The following NSMAF variants were observed in gnomAD, a reference collection of about 807,000 sequenced individuals.
The protein encoded by NSMAF is protein FAN.
NSMAF carries 90 observed loss-of-function variants against 134.9 expected under a neutral mutation model. The ratio of observed to expected loss-of-function variants is 0.67; its 90% CI spans 0.56 to 0.79. NSMAF has a LOEUF of 0.79. Ranked by LOEUF, NSMAF falls within the 30% of genes least tolerant of loss-of-function variation. The pLI, the probability that NSMAF is intolerant of heterozygous loss-of-function variation, is 0.00. For synonymous variants in NSMAF, 358 were observed against 389.6 expected, an observed-to-expected ratio of 0.92 and a Z score of 0.96; for missense variants, 1,010 against 1,119.0, an observed-to-expected ratio of 0.90 and a Z score of 1.39.
rs371238831 is a variant in NSMAF at position 58,609,741 on chromosome 8, T to C, written c.558-8A>G. 46 of 1,613,508 alleles carry C rather than the reference T, an allele frequency of 2.9e-5. No individual in the cohort carries two copies. Among genetic ancestry groups the C allele is most frequent in the African/African-American group, 4.0e-5 (3 of 74,900 alleles). ...TCAGAAATGTTTTGGAACCTGAAAA[T>C]AGGTTTTTCAGCAAAAGTAAGAAAA... On this transcript the variant is annotated splice_region_variant and splice_polypyrimidine_tract_variant and intron_variant, in intron 9 of 30. Transcript: ENST00000038176.
At chr8:58,611,071 C>T (rs759536483) in intron 9 of NSMAF, among the ~76,000 whole-genome samples, 5 of 152,138 alleles carry the variant, frequency 3.3e-5, no homozygotes, top group African/African-American at 4.8e-5. Context: ...GGTCTCAACA[C>T]TTCCTTTTTA....
In NSMAF at chr8:58,583,749, T is replaced by G. The variant is rs1274862699; in HGVS notation, c.*357A>C. Reference sequence around the variant, plus strand: ...AAGTAGCAGAGAATACTGCACATTTTCTTGGAAAATTTCTTAATTGTTCAG... The same window carrying G: ...AAGTAGCAGAGAATACTGCACATTTGCTTGGAAAATTTCTTAATTGTTCAG... On this transcript the variant is annotated 3_prime_UTR_variant, in exon 31 of 31. Transcript: ENST00000038176. 3.8e-6 allele frequency: 1 copy of G among 263,158 alleles called. No homozygotes were observed. The highest frequency in any genetic ancestry group is 7.3e-6 in the Non-Finnish European group (1 of 136,300). The allele number at this position is 263,158 out of a possible 1,614,324, so 16.3% of individuals were successfully genotyped here.
chr8:58,590,191 T>C, intron 24 of NSMAF, 117 bp from the exon 25 acceptor site: 1 of 830,272 alleles, frequency 1.2e-6, no homozygotes, highest in Admixed American at 2.4e-5. Context: ...TATGTGGCTC[T>C]CCTCCTATTT....
At chr8:58,639,488 C>T (rs1042702121) in intron 2 of NSMAF, among the ~76,000 whole-genome samples, 1 of 152,096 alleles carries the variant, frequency 6.6e-6, no homozygotes, top group African/African-American at 2.4e-5. Context: ...AAAGAGAACC[C>T]TTATATACTG....
chr8:58,604,276 T>C (rs1806351313), intron 12 of NSMAF, among the ~76,000 whole-genome samples: 1 of 152,154 alleles, frequency 6.6e-6, no homozygotes, highest in Non-Finnish European at 1.5e-5. Context: ...ATAAACTCAG[T>C]GAGAACTGAC....
intron 1 of NSMAF, among the ~76,000 whole-genome samples, chr8:58,644,144 G>A (rs896231056): frequency 6.6e-6 from 1 of 152,202 alleles, no homozygotes; most frequent in African/African-American, 2.4e-5. Flanking sequence ...CTTGAGATGG[G>A]CCTTAAGTTC....
intron 2 of NSMAF, among the ~76,000 whole-genome samples, chr8:58,636,758 T>C (rs1279055589): frequency 6.6e-6 from 1 of 152,196 alleles, no homozygotes; most frequent in African/African-American, 2.4e-5. Flanking sequence ...AGCTCAGATA[T>C]GGCCCAAGGG....
chr8:58,609,171 C>T (rs2129142326), intron 10 of NSMAF, among the ~76,000 whole-genome samples: 1 of 152,322 alleles, frequency 6.6e-6, no homozygotes, highest in South Asian at 2.1e-4. Flanking sequence ...TTCAGATCTA[C>T]TGAGGTTGTT....
rs1046366242 is a variant in NSMAF, at chr8:58,651,527, T to C, written c.59+8046A>G. Among the ~76,000 whole-genome samples the C allele has an allele frequency of 2.0e-5, 3 of 152,266 alleles. No individual in the cohort carries two copies. In the East Asian group the frequency reaches 5.8e-4, roughly 29 times the overall value. On this transcript the variant is annotated intron_variant, in intron 1 of 30. Transcript: ENST00000038176. The stretch of plus-strand genomic sequence containing the variant: ...AAATCCCTTTCACTGACACCATCCA[T>C]AAAGCCAGTCAATTCTATTTTCAAG...
intron 6 of NSMAF, among the ~76,000 whole-genome samples, chr8:58,631,069 T>C (rs1807047421): frequency 6.6e-6 from 1 of 152,222 alleles, no homozygotes; most frequent in Non-Finnish European, 1.5e-5. Context: ...AGTCTACTCA[T>C]AGTTTCTACC....
chr8:58,623,891 C>A, intron 6 of NSMAF, 111 bp from the exon 7 acceptor site: 1 of 778,192 alleles, frequency 1.3e-6, no homozygotes, highest in Non-Finnish European at 2.1e-6. Context: ...GCATGTTTTA[C>A]CTAGTGTAAC....
At position 58,659,742 on chromosome 8, in the gene NSMAF, G is replaced by A; in HGVS notation, c.-111C>T. ...GGATTGGTGGCCGGCTGGGGAGCGCGCGGCTGCCGGCCTGGCTTCCCCTGC... is the reference window on the plus strand; with the variant it reads ...GGATTGGTGGCCGGCTGGGGAGCGCACGGCTGCCGGCCTGGCTTCCCCTGC... On this transcript the variant is annotated 5_prime_UTR_variant, in exon 1 of 31. Transcript: ENST00000038176. 1.2e-6 allele frequency: 1 copy of A among 845,344 alleles called. No homozygotes were observed. The highest frequency in any genetic ancestry group is 5.6e-5 in the South Asian group (1 of 17,984). The allele number at this position is 845,344 out of a possible 1,614,324, so 52.4% of individuals were successfully genotyped here.
intron 1 of NSMAF, among the ~76,000 whole-genome samples, chr8:58,647,405 C>T (rs558781700): frequency 6.6e-6 from 1 of 152,290 alleles, no homozygotes; most frequent in East Asian, 1.9e-4. Flanking sequence ...AGTCCTACTA[C>T]CCACCATTGG....
chr8:58,601,544 C>CATAA lies in NSMAF; in HGVS notation c.1126-10_1126-9insTTAT. 9 of 911,110 alleles carry CATAA rather than the reference C, an allele frequency of 9.9e-6. No homozygotes were observed. The highest frequency in any genetic ancestry group is 3.4e-4 in the Middle Eastern group (1 of 2,982). The allele number at this position is 911,110 out of a possible 1,614,324, so 56.4% of individuals were successfully genotyped here. A position where few individuals can be genotyped will look rare whatever the true frequency, so the allele number is the denominator to read the frequency against. ...ATTTCCTGGTAGCGTGTCTAGAATA[C>CATAA]AGAAAAAAAAAAAAAATAGAGCTAA... On this transcript the variant is annotated splice_polypyrimidine_tract_variant and intron_variant, in intron 14 of 30. Coordinates refer to ENST00000038176, the MANE Select transcript of NSMAF (RefSeq NM_003580.4).
intron 30 of NSMAF, among the ~76,000 whole-genome samples, chr8:58,584,839 A>G (rs1047467623): frequency 6.6e-6 from 1 of 152,126 alleles, no homozygotes; most frequent in Admixed American, 6.5e-5. Context: ...AGGTTTCGCT[A>G]TGTTGCCAAG....
chr8:58,628,712 G>A (rs1806991465), intron 6 of NSMAF, among the ~76,000 whole-genome samples: 1 of 151,954 alleles, frequency 6.6e-6, no homozygotes, highest in South Asian at 2.1e-4. Flanking sequence ...TTCCTATAAA[G>A]CAGATCTAAT....
chr8:58,619,163 T>C (rs962082161), intron 9 of NSMAF, among the ~76,000 whole-genome samples: 3 of 152,210 alleles, frequency 2.0e-5, no homozygotes, highest in African/African-American at 7.2e-5. Flanking sequence ...CCTGCCAGTA[T>C]AAAAATGGAA....
chr8:58,646,131 T>C (rs999853461), intron 1 of NSMAF, among the ~76,000 whole-genome samples: 1 of 152,160 alleles, frequency 6.6e-6, no homozygotes, highest in Admixed American at 6.5e-5. Context: ...AATTTTACCA[T>C]CCTAATCTGT....
At chr8:58,659,089 T>G in intron 1 of NSMAF, 25 of 545,744 alleles carry the variant, frequency 4.6e-5, no homozygotes, top group East Asian at 1.4e-4. Flanking sequence ...GTCGCCGGCC[T>G]GCTCGGTGCC....
Sources: allele counts gnomAD v4.1 joint callset (sites outside exome capture counted in the v4.1 genomes callset), GRCh38; gene constraint gnomAD v4.1.1; transcripts MANE v1.5; gene names NCBI Gene and HGNC (gene_info 2026-07-23, HGNC 2026-07-21).